PDE1C: variants seen among roughly 807,000 people sequenced by gnomAD.
PDE1C encodes the protein dual specificity calcium/calmodulin-dependent 3',5'-cyclic nucleotide phosphodiesterase 1C.
PDE1C carries 62 observed loss-of-function variants against 93.1 expected under a neutral mutation model. The observed-to-expected ratio is 0.67, with a 90% CI of 0.54 to 0.82. The LOEUF (loss-of-function observed/expected upper bound fraction) is 0.82. Among genes scored for constraint, PDE1C ranks in the 40% least tolerant of loss-of-function variants. The probability of loss-of-function intolerance (pLI) is 0.00; values close to 1 mark genes in which losing one functional copy is unlikely to be tolerated. For synonymous variants in PDE1C, 325 were observed against 310.1 expected (o/e 1.05, Z -0.50); for missense variants, 742 against 884.6 (o/e 0.84, Z 2.04).
At chr7:32,088,522 G>A (rs1217865840) in intron 3 of PDE1C, among the ~76,000 whole-genome samples, 1 of 152,266 alleles carries the variant, frequency 6.6e-6, no homozygotes, top group Non-Finnish European at 1.5e-5. Context: ...CCCTGCAGTG[G>A]TGAGGAGGCC....
intron 1 of PDE1C, among the ~76,000 whole-genome samples, chr7:32,288,422 GTCTTA>G (rs1812137363): frequency 6.6e-6 from 1 of 152,206 alleles, no homozygotes; most frequent in Non-Finnish European, 1.5e-5. Context: ...CAGGCTTACA[GTCTTA>G]CACAACTGGA....
intron 1 of PDE1C, among the ~76,000 whole-genome samples, chr7:32,398,245 A>C (rs571251624): frequency 6.7e-6 from 1 of 148,984 alleles, no homozygotes; most frequent in African/African-American, 2.5e-5. Flanking sequence ...CTCAGGAGGC[A>C]GAGCTTGCAG....
intron 1 of PDE1C, among the ~76,000 whole-genome samples, chr7:32,293,407 A>G (rs1812455839): frequency 6.6e-6 from 1 of 152,156 alleles, no homozygotes; most frequent in Admixed American, 6.5e-5. Context: ...GGCAAAAGAC[A>G]GGGCTGCTCT....
At chr7:32,071,316 T>A (rs1027379797), upstream of PDE1C, 1 of 984,262 alleles carries the variant, frequency 1.0e-6, no homozygotes, top group Non-Finnish European at 1.2e-6. Context: ...GGCCTGGAGG[T>A]CCCCCACAGC....
At chr7:31,658,887 C>T in the PDE1C span, among the ~76,000 whole-genome samples, 1 of 152,174 alleles carries the variant, frequency 6.6e-6, no homozygotes, top group Non-Finnish European at 1.5e-5. Context: ...TCCAATGCTG[C>T]TAATCCCCTC....
chr7:32,102,781 A>C (rs1302902495), intron 3 of PDE1C, among the ~76,000 whole-genome samples: 3 of 152,208 alleles, frequency 2.0e-5, no homozygotes, highest in Admixed American at 2.0e-4. Flanking sequence ...GGCACTGGCC[A>C]CTTGCCTGCT....
At chr7:32,133,629 A>G (rs1317726457) in intron 3 of PDE1C, among the ~76,000 whole-genome samples, 2 of 152,182 alleles carry the variant, frequency 1.3e-5, no homozygotes, top group Admixed American at 1.3e-4. Context: ...ACCACCCACC[A>G]CACGCATGAC....
intron 1 of PDE1C, among the ~76,000 whole-genome samples, chr7:32,320,423 A>C (rs1365429315): frequency 6.6e-6 from 1 of 152,190 alleles, no homozygotes; most frequent in Non-Finnish European, 1.5e-5. Flanking sequence ...TCATACCTGA[A>C]TGATGGGGTG....
chr7:32,310,389 C>A (rs1399131292), intron 1 of PDE1C, among the ~76,000 whole-genome samples: 1 of 152,084 alleles, frequency 6.6e-6, no homozygotes, highest in Non-Finnish European at 1.5e-5. Flanking sequence ...CTCAGCTCTG[C>A]CACCAAGCAG....
the PDE1C span, among the ~76,000 whole-genome samples, chr7:31,700,665 C>T: frequency 2.0e-5 from 3 of 152,150 alleles, no homozygotes; most frequent in Non-Finnish European, 4.4e-5. Context: ...GATGTCAATG[C>T]CTGGCTTCAA....
intron 2 of PDE1C, among the ~76,000 whole-genome samples, chr7:31,986,787 C>T (rs2129068122): frequency 6.6e-6 from 1 of 152,108 alleles, no homozygotes; most frequent in East Asian, 1.9e-4. Context: ...TTCTGGCCTC[C>T]AGAACTGTGA....
At chr7:32,384,081 C>T (rs1190129128) in intron 1 of PDE1C, among the ~76,000 whole-genome samples, 1 of 152,182 alleles carries the variant, frequency 6.6e-6, no homozygotes, top group Non-Finnish European at 1.5e-5. Flanking sequence ...AAAAAGAGCC[C>T]TCTCATTCAC....
intron 1 of PDE1C, among the ~76,000 whole-genome samples, chr7:32,213,170 G>T (rs1302523207): frequency 6.6e-6 from 1 of 152,198 alleles, no homozygotes; most frequent in Non-Finnish European, 1.5e-5. Flanking sequence ...GGTGTGTTTT[G>T]TTTGGTCTCA....
chr7:32,211,589 AG>A (rs76117554), intron 1 of PDE1C, among the ~76,000 whole-genome samples: 18,952 of 149,366 alleles, frequency 0.13, 2,330 homozygotes, highest in African/African-American at 0.32. Context: ...ATAAAAAAAA[AG>A]GGGGGGGTAA....
intron 2 of PDE1C, among the ~76,000 whole-genome samples, chr7:31,983,872 C>G (rs1014386732): frequency 6.6e-6 from 1 of 152,132 alleles, no homozygotes; most frequent in Admixed American, 6.5e-5. Context: ...CATGCAGGGG[C>G]TCTTCTGAGC....
chr7:31,679,280 G>T, the PDE1C span, among the ~76,000 whole-genome samples: 2 of 152,150 alleles, frequency 1.3e-5, no homozygotes, highest in Admixed American at 1.3e-4. Context: ...TTGGCAAAAG[G>T]CAAGAGAGTT....
chr7:31,989,174 T>C (rs1293710943), intron 2 of PDE1C, among the ~76,000 whole-genome samples: 1 of 151,850 alleles, frequency 6.6e-6, no homozygotes, highest in East Asian at 1.9e-4. Context: ...AAAATAATAA[T>C]GATATTTTGG....
chr7:32,012,033 A>G (rs1248905333), intron 2 of PDE1C, among the ~76,000 whole-genome samples: 2 of 152,242 alleles, frequency 1.3e-5, no homozygotes, highest in Non-Finnish European at 2.9e-5. Context: ...AACAACATGG[A>G]TGACTGTCAA....
intron 2 of PDE1C, among the ~76,000 whole-genome samples, chr7:32,027,604 T>A (rs75753831): frequency 2.8e-3 from 14 of 5,024 alleles, no homozygotes; most frequent in Middle Eastern, 0.071. Context: ...CTATCAAAAA[T>A]GGTAAAAAAA....
Sources: allele counts gnomAD v4.1 joint callset (sites outside exome capture counted in the v4.1 genomes callset), GRCh38; gene constraint gnomAD v4.1.1; transcripts MANE v1.5; gene names NCBI Gene and HGNC (gene_info 2026-07-23, HGNC 2026-07-21).